Variants in LHFPL3 observed in about 807,000 individuals in gnomAD.
LHFPL3 encodes LHFPL tetraspan subfamily member 3 protein.
A neutral mutation model predicts 19.3 loss-of-function variants in LHFPL3; 5 were observed. The ratio of observed to expected loss-of-function variants is 0.26; its 90% CI spans 0.14 to 0.54. The LOEUF is 0.54. LHFPL3 is among the 20% of genes least tolerant of loss of function. The pLI is 0.94. For synonymous variants in LHFPL3, 133 were observed against 126.2 expected (o/e 1.05, Z -0.36); for missense variants, 249 against 307.4 (o/e 0.81, Z 1.42).
intron 1 of LHFPL3, among the ~76,000 whole-genome samples, chr7:104,512,160 G>A (rs1425366842): frequency 6.6e-6 from 1 of 151,580 alleles, no homozygotes; most frequent in African/African-American, 2.4e-5. Context: ...TCACCATATT[G>A]GCCAGACTGG....
intron 1 of LHFPL3, among the ~76,000 whole-genome samples, chr7:104,568,350 A>G (rs1000936123): frequency 2.0e-5 from 3 of 152,206 alleles, no homozygotes; most frequent in African/African-American, 7.2e-5. Flanking sequence ...TCACCAAATT[A>G]TAGCCCCTTG....
chr7:104,431,457 G>A (rs1792001565), intron 1 of LHFPL3, among the ~76,000 whole-genome samples: 1 of 151,968 alleles, frequency 6.6e-6, no homozygotes, highest in Non-Finnish European at 1.5e-5. Flanking sequence ...ATATTCTTTT[G>A]TTTCTTTTCT....
At chr7:104,393,514 G>A (rs1018527570) in intron 1 of LHFPL3, among the ~76,000 whole-genome samples, 1 of 151,884 alleles carries the variant, frequency 6.6e-6, no homozygotes, top group Admixed American at 6.6e-5. Flanking sequence ...TCAGGAGTTC[G>A]AGACCAGCCT....
chr7:104,404,310 C>T (rs1791374966), intron 1 of LHFPL3, among the ~76,000 whole-genome samples: 2 of 152,202 alleles, frequency 1.3e-5, no homozygotes, highest in South Asian at 4.1e-4. Context: ...AAATTTGAAA[C>T]TAAACATATT....
At chr7:104,703,591 C>A (rs373685001) in intron 1 of LHFPL3, among the ~76,000 whole-genome samples, 2 of 152,082 alleles carry the variant, frequency 1.3e-5, no homozygotes, top group South Asian at 2.1e-4. Flanking sequence ...TCATCTCTAC[C>A]CTTATTTTCA....
chr7:104,354,079 G>C (rs984456706), intron 1 of LHFPL3, among the ~76,000 whole-genome samples: 1 of 152,000 alleles, frequency 6.6e-6, no homozygotes, highest in African/African-American at 2.4e-5. Context: ...TCTCTCTTGT[G>C]TTCCTCCATT....
At chr7:104,793,402 GA>G (rs1421841579) in intron 2 of LHFPL3, among the ~76,000 whole-genome samples, 1 of 152,194 alleles carries the variant, frequency 6.6e-6, no homozygotes, top group Non-Finnish European at 1.5e-5. Context: ...ATAAGATGTA[GA>G]AAGCTGGTTT....
In LHFPL3 at chr7:104,697,673, A is replaced by G. The variant is rs545957288; in HGVS notation, c.446-39002A>G. 8.5e-5 allele frequency among the ~76,000 whole-genome samples: 13 copies of G among 152,376 alleles called. No individual in the cohort carries two copies. In the East Asian group the frequency reaches 1.7e-3, roughly 20 times the overall value. On this transcript the variant is annotated intron_variant, in intron 1 of 2. Transcript: ENST00000424859. The stretch of plus-strand genomic sequence containing the variant: ...CAGTTGTTCCATATTTGATATAAGA[A>G]GAGCAAAGTTTTTAACTTGAGCTTT...
At chr7:104,768,250 G>A (rs1428052214) in intron 2 of LHFPL3, among the ~76,000 whole-genome samples, 2 of 152,028 alleles carry the variant, frequency 1.3e-5, no homozygotes, top group Non-Finnish European at 2.9e-5. Context: ...TGCAAGTACA[G>A]TGACCTGGTC....
At chr7:104,351,371 T>A (rs1438113746) in intron 1 of LHFPL3, among the ~76,000 whole-genome samples, 1 of 152,222 alleles carries the variant, frequency 6.6e-6, no homozygotes, top group Non-Finnish European at 1.5e-5. Context: ...TACACATTTT[T>A]TAGTTTGCAA....
chr7:104,692,250 A>G (rs1426224035), intron 1 of LHFPL3, among the ~76,000 whole-genome samples: 1 of 152,228 alleles, frequency 6.6e-6, no homozygotes, highest in Non-Finnish European at 1.5e-5. Flanking sequence ...GAAAATTTGC[A>G]GGCTGATGAT....
intron 1 of LHFPL3, among the ~76,000 whole-genome samples, chr7:104,533,923 C>T (rs1387793365): frequency 6.6e-6 from 1 of 152,190 alleles, no homozygotes; most frequent in East Asian, 1.9e-4. Context: ...TTTAGGCTTC[C>T]CTCCGCTGGT....
At chr7:104,676,235 A>C (rs1392915233) in intron 1 of LHFPL3, among the ~76,000 whole-genome samples, 2 of 152,208 alleles carry the variant, frequency 1.3e-5, no homozygotes, top group African/African-American at 4.8e-5. Context: ...ACTGCATATT[A>C]AATCTAAAGG....
intron 2 of LHFPL3, among the ~76,000 whole-genome samples, chr7:104,841,292 C>T (rs1428831249): frequency 2.6e-5 from 4 of 152,102 alleles, no homozygotes; most frequent in Admixed American, 2.6e-4. Flanking sequence ...TTTCATGAGA[C>T]ATGACTATGT....
intron 1 of LHFPL3, among the ~76,000 whole-genome samples, chr7:104,509,266 GAAAAAA>G (rs5886324): frequency 6.9e-6 from 1 of 145,484 alleles, no homozygotes; most frequent in Admixed American, 6.9e-5. Context: ...AGGAAGAAAG[GAAAAAA>G]AAAAAGGAAA....
chr7:104,660,043 C>T (rs1161326898), intron 1 of LHFPL3, among the ~76,000 whole-genome samples: 3 of 148,912 alleles, frequency 2.0e-5, no homozygotes, highest in African/African-American at 7.4e-5. Flanking sequence ...ACTCTGTTGC[C>T]CAGGCTGGAG....
At chr7:104,623,319 C>T (rs1791483266) in intron 1 of LHFPL3, among the ~76,000 whole-genome samples, 1 of 151,792 alleles carries the variant, frequency 6.6e-6, no homozygotes, top group Non-Finnish European at 1.5e-5. Flanking sequence ...TGAGTAACTT[C>T]TGATACTGAA....
intron 1 of LHFPL3, among the ~76,000 whole-genome samples, chr7:104,623,974 A>G (rs758972010): frequency 6.6e-6 from 1 of 152,220 alleles, no homozygotes; most frequent in Non-Finnish European, 1.5e-5. Context: ...GTAGTTTCAC[A>G]AAGGTAAGTA....
chr7:104,364,007 T>C, intron 1 of LHFPL3, among the ~76,000 whole-genome samples: 1 of 152,246 alleles, frequency 6.6e-6, no homozygotes, highest in African/African-American at 2.4e-5. Flanking sequence ...CTCATGAACA[T>C]TCAGAATAAA....
Sources: gnomAD v4.1 joint callset for allele counts (sites outside exome capture counted in the v4.1 genomes callset) on GRCh38, gnomAD v4.1.1 for gene constraint, MANE v1.5 for transcripts, NCBI Gene and HGNC (gene_info 2026-07-23, HGNC 2026-07-21) for gene names.